Variants in LRGUK observed in about 807,000 individuals in gnomAD.
LRGUK encodes the protein leucine rich repeats and guanylate kinase domain containing, also known as leucine-rich repeat and guanylate kinase domain-containing protein.
Under a neutral mutation model 76.0 loss-of-function variants are expected in LRGUK, and 65 were observed. That is an observed-to-expected ratio of 0.85 (90% CI 0.70 to 1.05). The LOEUF (loss-of-function observed/expected upper bound fraction) is 1.05, where lower values mean the gene tolerates loss of function less well. Ranked by LOEUF, LRGUK falls within the 50% of genes least tolerant of loss-of-function variation. The probability of loss-of-function intolerance (pLI) is 0.00; values close to 1 mark genes in which losing one functional copy is unlikely to be tolerated. For missense variants in LRGUK, 758 were observed against 732.8 expected, an observed-to-expected ratio of 1.03 and a Z score of -0.40; for synonymous variants, 268 against 265.6, an observed-to-expected ratio of 1.01 and a Z score of -0.09.
At chr7:134,133,787 C>T (rs535747117) in intron 1 of LRGUK, among the ~76,000 whole-genome samples, 50 of 152,166 alleles carry the variant, frequency 3.3e-4, no homozygotes, top group African/African-American at 6.0e-4. Flanking sequence ...GGTCCAGGTG[C>T]GGTGGCTCAT....
chr7:134,222,577 C>A (rs1801627151), intron 16 of LRGUK, among the ~76,000 whole-genome samples: 1 of 151,216 alleles, frequency 6.6e-6, no homozygotes, highest in South Asian at 2.1e-4. Context: ...TTCCTTAAGG[C>A]TAGCCTGTTT....
intron 14 of LRGUK, among the ~76,000 whole-genome samples, chr7:134,200,091 C>T (rs1284226318): frequency 1.4e-5 from 2 of 140,770 alleles, no homozygotes; most frequent in East Asian, 2.1e-4. Flanking sequence ...AGTGCAGTGG[C>T]GTGATCTTGG....
intron 16 of LRGUK, among the ~76,000 whole-genome samples, chr7:134,228,155 G>C (rs1801806367): frequency 6.6e-6 from 1 of 152,190 alleles, no homozygotes; most frequent in African/African-American, 2.4e-5. Context: ...CAATTAGGTT[G>C]ACAGCGACTT....
At chr7:134,167,273 G>C (rs989218452) in intron 7 of LRGUK, among the ~76,000 whole-genome samples, 1 of 152,186 alleles carries the variant, frequency 6.6e-6, no homozygotes, top group Non-Finnish European at 1.5e-5. Context: ...GTGCTGATGG[G>C]TGCACACTTT....
At chr7:134,172,883 G>A (rs1394450218) in intron 7 of LRGUK, among the ~76,000 whole-genome samples, 3 of 151,904 alleles carry the variant, frequency 2.0e-5, no homozygotes, top group Non-Finnish European at 4.4e-5. Context: ...CGGGGGTCGG[G>A]GGCTGAGGTA....
Position 134,169,133 on chromosome 7 carries a change from G to GACACACAC in LRGUK, c.940-5368_940-5361dup, listed in dbSNP as rs36204942. On this transcript the variant is annotated intron_variant, in intron 7 of 15. Transcript: ENST00000645682. ...CCTGATAAGAGGCTGAAGGGAAGAA[G>GACACACAC]ACACACACACACACACACACACACA... Among the ~76,000 whole-genome samples, 135 of 135,580 alleles carry GACACACAC rather than the reference G, an allele frequency of 1.0e-3. 1 individual carries two copies. Among genetic ancestry groups the GACACACAC allele is most frequent in the African/African-American group, 3.5e-3 (127 of 35,838 alleles). The allele number at this position is 135,580 out of a possible 152,430, so 88.9% of individuals were successfully genotyped here. A position where few individuals can be genotyped will look rare whatever the true frequency, so the allele number is the denominator to read the frequency against.
At chr7:134,149,630 A>G (rs1411032699) in intron 5 of LRGUK, among the ~76,000 whole-genome samples, 1 of 152,220 alleles carries the variant, frequency 6.6e-6, no homozygotes, top group Non-Finnish European at 1.5e-5. Context: ...AGTTTTCCTG[A>G]TTATAGCCTA....
rs1802602841 is a variant in LRGUK, at chr7:134,257,072, C to T, written c.2199-1185C>T. On this transcript the variant is annotated intron_variant, in intron 18 of 19. Coordinates refer to the LRGUK transcript ENST00000285928. ...GTCAGGTGGAATCAAAGCTGTCCCC[C>T]TTGCTGAGTCAGGGACTACTCATGG... is the stretch of plus-strand genomic sequence containing the variant. Among the ~76,000 whole-genome samples the T allele has an allele frequency of 2.0e-5, 3 of 152,160 alleles. No individual in the cohort carries two copies. In the South Asian group the frequency reaches 6.2e-4, roughly 32 times the overall value.
intron 11 of LRGUK, among the ~76,000 whole-genome samples, chr7:134,187,271 A>G (rs180883382): frequency 2.6e-5 from 4 of 152,288 alleles, no homozygotes; most frequent in African/African-American, 4.8e-5. Context: ...TTTATCCAAC[A>G]TAAGTTTTAT....
intron 4 of LRGUK, among the ~76,000 whole-genome samples, chr7:134,145,054 T>G (rs1392139246): frequency 2.6e-5 from 4 of 152,022 alleles, no homozygotes; most frequent in Admixed American, 2.0e-4. Flanking sequence ...ACCCTACAAA[T>G]GAACAAAAAC....
At position 134,247,292 on chromosome 7, in the gene LRGUK, A is replaced by G. The variant is rs184554663; in HGVS notation, c.1984-264A>G. The stretch of plus-strand genomic sequence containing the variant: ...AGATAAAAATGCACACATAAAATGT[A>G]AATAAAAATTGCCATATTATTATTT... On this transcript the variant is annotated intron_variant, in intron 16 of 19. Transcript: ENST00000285928. 1.1e-4 allele frequency among the ~76,000 whole-genome samples: 17 copies of G among 152,326 alleles called. 1 individual carries two copies. The East Asian group carries it at 2.9e-3, about 26-fold the overall frequency.
chr7:134,254,288 C>T (rs1181777456), intron 18 of LRGUK, among the ~76,000 whole-genome samples: 2 of 152,100 alleles, frequency 1.3e-5, no homozygotes, highest in African/African-American at 4.8e-5. Flanking sequence ...AAGTTTATAG[C>T]AAAATCCTAA....
At chr7:134,219,359 C>G (rs1801517195) in intron 15 of LRGUK, among the ~76,000 whole-genome samples, 1 of 152,140 alleles carries the variant, frequency 6.6e-6, no homozygotes, top group Non-Finnish European at 1.5e-5. Context: ...CATTAAGACA[C>G]TATTTTGGAA....
chr7:134,276,377 CT>C, the LRGUK span, among the ~76,000 whole-genome samples: 2 of 152,172 alleles, frequency 1.3e-5, no homozygotes, highest in Non-Finnish European at 2.9e-5. Flanking sequence ...TGGTTCAGCC[CT>C]TTGCTAGGAG....
chr7:134,157,180 G>A (rs2116906268), intron 5 of LRGUK, among the ~76,000 whole-genome samples: 1 of 152,336 alleles, frequency 6.6e-6, no homozygotes, highest in Non-Finnish European at 1.5e-5. Context: ...TTGATTTTAT[G>A]ATTGAATGAT....
At chr7:134,258,117 C>A in intron 18 of LRGUK, 140 bp from the exon 19 acceptor site, 2 of 996,010 alleles carry the variant, frequency 2.0e-6, no homozygotes, top group African/African-American at 1.6e-5. Flanking sequence ...CTGTTGAACA[C>A]TAGCTCAACA....
chr7:134,163,445 C>T (rs767357633), exon 7 of LRGUK: 7 of 1,613,842 alleles, frequency 4.3e-6, no homozygotes, highest in Non-Finnish European at 5.1e-6. Flanking sequence ...TCTGAAAGCC[C>T]TGCAGAACCT....
intron 18 of LRGUK, among the ~76,000 whole-genome samples, chr7:134,257,499 A>G (rs555937656): frequency 1.8e-4 from 28 of 152,144 alleles, no homozygotes; most frequent in Non-Finnish European, 3.8e-4. Flanking sequence ...TCATACCTGA[A>G]CATTATCCTA....
At chr7:134,160,695 A>G (rs1482796878) in intron 6 of LRGUK, among the ~76,000 whole-genome samples, 1 of 152,254 alleles carries the variant, frequency 6.6e-6, no homozygotes, top group African/African-American at 2.4e-5. Context: ...AAGTAATGAC[A>G]ATGCATTCCA....
Sources: allele counts gnomAD v4.1 joint callset (sites outside exome capture counted in the v4.1 genomes callset), GRCh38; gene constraint gnomAD v4.1.1; transcripts MANE v1.5; gene names NCBI Gene and HGNC (gene_info 2026-07-23, HGNC 2026-07-21).